The following SOX5 variants were observed in gnomAD, a reference collection of about 807,000 sequenced individuals.
SOX5 encodes the protein SRY-box transcription factor 5.
In SOX5, 9 loss-of-function variants were observed where a neutral mutation model predicts 92.0. The observed-to-expected ratio is 0.10, with a 90% CI of 0.06 to 0.17. The LOEUF is 0.17. Ranked by LOEUF, SOX5 falls within the 10% of genes least tolerant of loss-of-function variation. The pLI, the probability that SOX5 is intolerant of heterozygous loss-of-function variation, is 1.00. For synonymous variants in SOX5, 344 were observed against 336.3 expected (o/e 1.02, Z -0.25); for missense variants, 642 against 944.5 (o/e 0.68, Z 4.20).
intron 4 of SOX5, among the ~76,000 whole-genome samples, chr12:23,979,895 G>A (rs1256501734): frequency 1.4e-5 from 2 of 138,540 alleles, no homozygotes; most frequent in Admixed American, 1.4e-4. Context: ...CTGGCTGGCT[G>A]GCTGGCTGGC....
At chr12:24,103,678 T>G (rs1297357823) in intron 4 of SOX5, among the ~76,000 whole-genome samples, 1 of 152,228 alleles carries the variant, frequency 6.6e-6, no homozygotes, top group Non-Finnish European at 1.5e-5. Flanking sequence ...TTTATAAAAT[T>G]GTTTAACCTA....
chr12:23,942,282 T>G (rs1384456194), intron 1 of SOX5, among the ~76,000 whole-genome samples: 1 of 151,880 alleles, frequency 6.6e-6, no homozygotes, highest in East Asian at 1.9e-4. Context: ...AAATGGTACG[T>G]GAAAGATCTT....
intron 5 of SOX5, among the ~76,000 whole-genome samples, chr12:23,738,010 C>T (rs184941748): frequency 2.6e-5 from 4 of 152,334 alleles, no homozygotes; most frequent in Admixed American, 2.6e-4. Context: ...TACTTATTGT[C>T]TATCCTTCCC....
intron 1 of SOX5, among the ~76,000 whole-genome samples, chr12:24,395,124 A>C (rs1420781192): frequency 5.9e-5 from 9 of 152,242 alleles, no homozygotes. Context: ...TTAAATGATC[A>C]GTCCTTTTCT....
intron 2 of SOX5, chr12:24,331,400 C>T (rs1053997486): frequency 6.6e-6 from 1 of 151,886 alleles, no homozygotes; most frequent in African/African-American, 2.4e-5. Context: ...GAAAAACCTA[C>T]AATACAAAAA....
intron 4 of SOX5, among the ~76,000 whole-genome samples, chr12:24,029,129 G>C (rs1036462671): frequency 2.0e-5 from 3 of 151,948 alleles, no homozygotes; most frequent in African/African-American, 7.2e-5. Flanking sequence ...AATGATAATA[G>C]TAGTCTTAAC....
intron 8 of SOX5, among the ~76,000 whole-genome samples, chr12:23,605,040 A>T (rs925731182): frequency 6.6e-6 from 1 of 151,524 alleles, no homozygotes; most frequent in Non-Finnish European, 1.5e-5. Context: ...ACGGGAAAAA[A>T]GTACTTGAAG....
At position 23,767,089 on chromosome 12, in the gene SOX5, C is replaced by T. The variant is rs988509210; in HGVS notation, c.482-11365G>A. 7.9e-5 allele frequency among the ~76,000 whole-genome samples: 12 copies of T among 152,068 alleles called. No homozygotes were observed. In the East Asian group the frequency reaches 9.7e-4, roughly 12 times the overall value. ...GGGCATGGTTGTGAGTGCCTGTAGT[C>T]TCTGCTACTTGGGAGGCTGAGGTGG... On this transcript the variant is annotated intron_variant, in intron 3 of 14. Transcript: ENST00000451604.
intron 4 of SOX5, among the ~76,000 whole-genome samples, chr12:24,151,418 C>T (rs1328303658): frequency 6.6e-6 from 1 of 152,102 alleles, no homozygotes; most frequent in Non-Finnish European, 1.5e-5. Context: ...GACAGTGTAT[C>T]ATCTACAATT....
At chr12:23,779,252 T>C (rs766213677) in intron 3 of SOX5, among the ~76,000 whole-genome samples, 4 of 151,938 alleles carry the variant, frequency 2.6e-5, no homozygotes, top group South Asian at 4.2e-4. Context: ...TCAGGCACAA[T>C]AGCAAATTCA....
At chr12:24,521,591 CAA>C (rs373895545) in intron 1 of SOX5, among the ~76,000 whole-genome samples, 134 of 152,228 alleles carry the variant, frequency 8.8e-4, no homozygotes, top group African/African-American at 3.2e-3. Context: ...TTAAGAAAAT[CAA>C]AGTCATTCAA....
chr12:23,956,752 C>G (rs1440353361), intron 4 of SOX5, among the ~76,000 whole-genome samples: 2 of 151,952 alleles, frequency 1.3e-5, no homozygotes, highest in East Asian at 3.9e-4. Flanking sequence ...GTGGTGTGAC[C>G]TCGGCTCACT....
At chr12:23,779,955 C>CTGTGTGTGTG (rs10686652) in intron 3 of SOX5, among the ~76,000 whole-genome samples, 2,243 of 136,538 alleles carry the variant, frequency 0.016, 24 homozygotes, top group Middle Eastern at 0.031. Context: ...CACAGCGAGA[C>CTGTGTGTGTG]TGTGTGTGTG....
At chr12:23,798,513 C>T (rs531479637) in intron 3 of SOX5, among the ~76,000 whole-genome samples, 1 of 150,352 alleles carries the variant, frequency 6.7e-6, no homozygotes, top group East Asian at 2.0e-4. Flanking sequence ...CATGTATACT[C>T]ATGCATATAG....
chr12:24,382,465 G>C (rs961118194), intron 1 of SOX5, among the ~76,000 whole-genome samples: 1 of 152,040 alleles, frequency 6.6e-6, no homozygotes, highest in Non-Finnish European at 1.5e-5. Flanking sequence ...GGCGGAAGGG[G>C]AAGTCAGTGA....
intron 4 of SOX5, among the ~76,000 whole-genome samples, chr12:23,970,942 A>C (rs185065258): frequency 2.3e-3 from 337 of 144,198 alleles, no homozygotes; most frequent in African/African-American, 8.5e-3. Flanking sequence ...GGTGCATGCC[A>C]GCACTTGGCT....
At chr12:24,423,207 T>C (rs1272513551) in intron 1 of SOX5, among the ~76,000 whole-genome samples, 1 of 152,142 alleles carries the variant, frequency 6.6e-6, no homozygotes, top group Non-Finnish European at 1.5e-5. Context: ...TGAGCCCAGC[T>C]CTCCCTTAAG....
intron 4 of SOX5, among the ~76,000 whole-genome samples, chr12:23,755,184 G>C (rs11047083): frequency 0.075 from 11,306 of 151,552 alleles, 1,409 homozygotes; most frequent in African/African-American, 0.26. Context: ...TTGTTACCTT[G>C]ACTGGTACAA....
chr12:23,798,485 G>C (rs2095604276), intron 3 of SOX5, among the ~76,000 whole-genome samples: 1 of 151,170 alleles, frequency 6.6e-6, no homozygotes, highest in Non-Finnish European at 1.5e-5. Context: ...TAACTTTATA[G>C]ATGCATACAG....
Sources: gnomAD v4.1 joint callset for allele counts (sites outside exome capture counted in the v4.1 genomes callset) on GRCh38, gnomAD v4.1.1 for gene constraint, MANE v1.5 for transcripts, NCBI Gene and HGNC (gene_info 2026-07-23, HGNC 2026-07-21) for gene names.